The following LHFPL6 variants were observed in gnomAD, a reference collection of about 807,000 sequenced individuals.
LHFPL6 encodes LHFPL tetraspan subfamily member 6.
In LHFPL6, 9 loss-of-function variants were observed where a neutral mutation model predicts 20.6. The ratio of observed to expected loss-of-function variants is 0.44; its 90% CI spans 0.26 to 0.76. The LOEUF is 0.76. Ranked by LOEUF, LHFPL6 falls within the 30% of genes least tolerant of loss-of-function variation. The pLI is 0.20. For missense variants in LHFPL6, 218 were observed against 253.5 expected (o/e 0.86, Z 0.95); for synonymous variants, 105 against 98.7 (o/e 1.06, Z -0.38).
chr13:39,446,058 G>C (rs1405008713), intron 2 of LHFPL6, among the ~76,000 whole-genome samples: 3 of 152,124 alleles, frequency 2.0e-5, no homozygotes, highest in Non-Finnish European at 4.4e-5. Context: ...TCTTCTTTAA[G>C]ATACCTATTA....
intron 2 of LHFPL6, among the ~76,000 whole-genome samples, chr13:39,416,335 G>T (rs533446941): frequency 2.0e-4 from 30 of 149,728 alleles, no homozygotes; most frequent in Non-Finnish European, 3.7e-4. Flanking sequence ...CTTAGCACAT[G>T]TTTGTTGAAT....
In LHFPL6 at chr13:39,353,906, C is replaced by T. The variant is rs117385245; in HGVS notation, c.485-9852G>A. Among the ~76,000 whole-genome samples the T allele has an allele frequency of 2.5e-3, 382 of 152,258 alleles. 1 individual carries two copies. Among genetic ancestry groups the T allele is most frequent in the Non-Finnish European group, 4.8e-3 (326 of 68,024 alleles). ...ACACATGCATATAATGGGAATACCG[C>T]TCCCTGCACAGTATTCCCCAAAAGA... is the stretch of plus-strand genomic sequence containing the variant. On this transcript the variant is annotated intron_variant, in intron 3 of 3. Transcript: ENST00000379589.
Position 39,478,439 on chromosome 13 carries a change from G to C in LHFPL6, c.386-99913C>G, listed in dbSNP as rs566964551. 2.0e-4 allele frequency among the ~76,000 whole-genome samples: 30 copies of C among 152,212 alleles called. 1 individual carries two copies. The South Asian group carries it at 6.2e-3, about 32-fold the overall frequency. The stretch of plus-strand genomic sequence containing the variant: ...TTCCTATATAGTTTGCATATTGATA[G>C]CACATTAAATGTACTTTGTATGGAT... On this transcript the variant is annotated intron_variant, in intron 2 of 3. Coordinates refer to ENST00000379589, the MANE Select transcript of LHFPL6 (RefSeq NM_005780.3).
chr13:39,519,534 G>T (rs978939015), intron 2 of LHFPL6, among the ~76,000 whole-genome samples: 1 of 152,156 alleles, frequency 6.6e-6, no homozygotes, highest in African/African-American at 2.4e-5. Context: ...AGATCAATTA[G>T]ACCAGGGAAA....
Position 39,343,331 on chromosome 13 carries a change from T to C in LHFPL6, c.*605A>G, listed in dbSNP as rs1869297498. ...TTTATAAAGTGATAATACTGTATTT[T>C]AAATGTATATTAAAAAGAAAACAGA... On this transcript the variant is annotated 3_prime_UTR_variant, in exon 4 of 4. Coordinates refer to ENST00000379589, the MANE Select transcript of LHFPL6 (RefSeq NM_005780.3). 1 of 225,642 alleles carries C rather than the reference T, an allele frequency of 4.4e-6. No individual in the cohort carries two copies. Among genetic ancestry groups the C allele is most frequent in the Admixed American group, 5.7e-5 (1 of 17,552 alleles). The allele number at this position is 225,642 out of a possible 1,614,324, so 14.0% of individuals were successfully genotyped here.
chr13:39,385,417 T>C (rs1296821879), intron 2 of LHFPL6, among the ~76,000 whole-genome samples: 1 of 152,234 alleles, frequency 6.6e-6, no homozygotes, highest in Non-Finnish European at 1.5e-5. Flanking sequence ...GGAAAAGAGC[T>C]GGCATAGACA....
intron 3 of LHFPL6, among the ~76,000 whole-genome samples, chr13:39,364,823 C>T (rs563158830): frequency 6.6e-6 from 1 of 152,100 alleles, no homozygotes. Context: ...AATGGTTTAC[C>T]CTTTGTCTTG....
chr13:39,485,895 G>T (rs144441907), intron 2 of LHFPL6, among the ~76,000 whole-genome samples: 34 of 152,192 alleles, frequency 2.2e-4, no homozygotes, highest in Middle Eastern at 3.4e-3. Context: ...GGTATTAACT[G>T]ATCTTTTACT....
intron 3 of LHFPL6, among the ~76,000 whole-genome samples, chr13:39,347,471 T>C (rs930929479): frequency 6.6e-6 from 1 of 152,214 alleles, no homozygotes; most frequent in Non-Finnish European, 1.5e-5. Flanking sequence ...GTTTTGGCAC[T>C]GAAATTTTGG....
In LHFPL6 at chr13:39,428,601, T is replaced by A. The variant is rs182168348; in HGVS notation, c.386-50075A>T. Among the ~76,000 whole-genome samples, 637 of 152,286 alleles carry A rather than the reference T, an allele frequency of 4.2e-3. 2 individuals are homozygous for A. The highest frequency in any genetic ancestry group is 6.7e-3 in the Admixed American group (103 of 15,304). On this transcript the variant is annotated intron_variant, in intron 2 of 3. Coordinates refer to ENST00000379589, the MANE Select transcript of LHFPL6 (RefSeq NM_005780.3). ...TCTTTTCTACTCTTCTTTTTCTTCA[T>A]CAACCTGGATAGAGCTTTATTATTT...
At chr13:39,425,381 T>C (rs1026492439) in intron 2 of LHFPL6, among the ~76,000 whole-genome samples, 1 of 152,248 alleles carries the variant, frequency 6.6e-6, no homozygotes, top group African/African-American at 2.4e-5. Context: ...AACATTTGTA[T>C]ACAAGTCTAT....
chr13:39,479,133 C>A (rs9548778), intron 2 of LHFPL6, among the ~76,000 whole-genome samples: 16,311 of 78,440 alleles, frequency 0.21, 1,487 homozygotes, highest in East Asian at 0.58. Context: ...ATCTATCTAT[C>A]TATCTATCTA....
chr13:39,355,835 A>G (rs761018305), intron 3 of LHFPL6, among the ~76,000 whole-genome samples: 8 of 152,250 alleles, frequency 5.3e-5, no homozygotes, highest in Non-Finnish European at 8.8e-5. Flanking sequence ...AAGAAGACTT[A>G]ACTATCCTCA....
At chr13:39,448,680 A>G (rs191579369) in intron 2 of LHFPL6, among the ~76,000 whole-genome samples, 1 of 152,322 alleles carries the variant, frequency 6.6e-6, no homozygotes, top group East Asian at 1.9e-4. Context: ...GGTTGTCCAA[A>G]CCATCATTCA....
At chr13:39,401,092 T>C (rs1023397974) in intron 2 of LHFPL6, among the ~76,000 whole-genome samples, 3 of 152,230 alleles carry the variant, frequency 2.0e-5, no homozygotes, top group African/African-American at 7.2e-5. Context: ...CTCATGACTA[T>C]GTTGAGCGCA....
chr13:39,389,660 T>C (rs1218880197), intron 2 of LHFPL6, among the ~76,000 whole-genome samples: 1 of 152,056 alleles, frequency 6.6e-6, no homozygotes, highest in Non-Finnish European at 1.5e-5. Flanking sequence ...AATTCCCCGG[T>C]GTGTGGCAGA....
chr13:39,593,439 A>G (rs1434012500), intron 2 of LHFPL6, among the ~76,000 whole-genome samples: 1 of 152,176 alleles, frequency 6.6e-6, no homozygotes, highest in Non-Finnish European at 1.5e-5. Context: ...GGAGAACTAC[A>G]AACCACTGCT....
chr13:39,598,839 G>A (rs1261385428), intron 2 of LHFPL6, among the ~76,000 whole-genome samples: 1 of 152,116 alleles, frequency 6.6e-6, no homozygotes, highest in Non-Finnish European at 1.5e-5. Flanking sequence ...TTGCAGGCGT[G>A]AGCCACCGCA....
At chr13:39,348,387 G>A (rs1345445168) in intron 3 of LHFPL6, among the ~76,000 whole-genome samples, 2 of 152,192 alleles carry the variant, frequency 1.3e-5, no homozygotes, top group African/African-American at 4.8e-5. Flanking sequence ...CACAGCCAGC[G>A]ATGTACTTGT....
Sources: gnomAD v4.1 joint callset for allele counts (sites outside exome capture counted in the v4.1 genomes callset) on GRCh38, gnomAD v4.1.1 for gene constraint, MANE v1.5 for transcripts, NCBI Gene and HGNC (gene_info 2026-07-23, HGNC 2026-07-21) for gene names.